Variants in CPEB3 observed in about 807,000 individuals in gnomAD.
CPEB3 encodes cytoplasmic polyadenylation element-binding protein 3.
Under a neutral mutation model 67.2 loss-of-function variants are expected in CPEB3, and 20 were observed. The ratio of observed to expected loss-of-function variants is 0.30; its 90% CI spans 0.21 to 0.43. The LOEUF (loss-of-function observed/expected upper bound fraction) is 0.43. Among genes scored for constraint, CPEB3 ranks in the 20% least tolerant of loss-of-function variants. The pLI is 1.00. For synonymous variants in CPEB3, 376 were observed against 393.1 expected (o/e 0.96, Z 0.51); for missense variants, 746 against 968.6 (o/e 0.77, Z 3.05).
chr10:92,137,544 C>A, intron 6 of CPEB3: 1 of 776,262 alleles, frequency 1.3e-6, no homozygotes, highest in Non-Finnish European at 2.3e-6. Context: ...TAAGGGACCC[C>A]ATTTGGATTC....
chr10:92,263,145 G>A (rs961454418), intron 1 of CPEB3, among the ~76,000 whole-genome samples: 7 of 152,100 alleles, frequency 4.6e-5, no homozygotes, highest in African/African-American at 7.2e-5. Context: ...GCTGGATCTC[G>A]GCTCACTGCA....
At position 92,223,842 on chromosome 10, in the gene CPEB3, G is replaced by A. The variant is rs934956560; in HGVS notation, c.1005+15504C>T. Among the ~76,000 whole-genome samples the A allele has an allele frequency of 3.3e-5, 5 of 150,988 alleles. No individual in the cohort carries two copies. In the South Asian group the frequency reaches 8.3e-4, roughly 25 times the overall value. On this transcript the variant is annotated intron_variant, in intron 2 of 9. Coordinates refer to ENST00000265997, the MANE Select transcript of CPEB3 (RefSeq NM_014912.5). ...CGGCTCACTGCAACCTCCAACTCCC[G>A]GATTCAAGCAATTCTCCTGCCTCAG...
intron 1 of CPEB3, among the ~76,000 whole-genome samples, chr10:92,273,422 T>C (rs1289002379): frequency 6.6e-6 from 1 of 152,154 alleles, no homozygotes; most frequent in African/African-American, 2.4e-5. Context: ...GTCGATTGTC[T>C]TCAGACTTAA....
intron 1 of CPEB3, among the ~76,000 whole-genome samples, chr10:92,248,707 C>T (rs371081077): frequency 6.6e-6 from 1 of 152,132 alleles, no homozygotes; most frequent in South Asian, 2.1e-4. Context: ...TTATGATGTT[C>T]AGTAGTATGC....
At chr10:92,124,678 A>G (rs973152258) in intron 6 of CPEB3, among the ~76,000 whole-genome samples, 8 of 152,224 alleles carry the variant, frequency 5.3e-5, no homozygotes, top group African/African-American at 1.9e-4. Context: ...AATACAGGCT[A>G]AAACCCTTGG....
chr10:92,168,290 T>C (rs1339154155), intron 4 of CPEB3, among the ~76,000 whole-genome samples: 1 of 152,242 alleles, frequency 6.6e-6, no homozygotes, highest in African/African-American at 2.4e-5. Flanking sequence ...AACCTACAGG[T>C]ATCTTAAGCA....
rs1406525373 is a variant in CPEB3 at position 92,186,457 on chromosome 10, T to C, written c.1166-5438A>G. Reference sequence around the variant, plus strand: ...GGTGATTTTTTTTTTTTTTTTTAGATGGAGTCTCGCTCTGTCACCCAGGCT... The same window carrying C: ...GGTGATTTTTTTTTTTTTTTTTAGACGGAGTCTCGCTCTGTCACCCAGGCT... On this transcript the variant is annotated intron_variant, in intron 3 of 9. Transcript: ENST00000265997. 5.4e-5 allele frequency among the ~76,000 whole-genome samples: 8 copies of C among 147,574 alleles called. No individual in the cohort carries two copies. The East Asian group carries it at 6.0e-4, about 11-fold the overall frequency.
At chr10:92,156,311 G>T (rs909478218) in intron 4 of CPEB3, among the ~76,000 whole-genome samples, 1 of 152,190 alleles carries the variant, frequency 6.6e-6, no homozygotes, top group African/African-American at 2.4e-5. Flanking sequence ...TTGGTCAGGG[G>T]AAGATGAAGT....
At chr10:92,200,224 G>T (rs1235780523) in intron 2 of CPEB3, among the ~76,000 whole-genome samples, 1 of 152,034 alleles carries the variant, frequency 6.6e-6, no homozygotes, top group Admixed American at 6.5e-5. Flanking sequence ...AAATTCTCAA[G>T]AACCCTCAAA....
chr10:92,063,307 A>G (rs1213811622), intron 9 of CPEB3, among the ~76,000 whole-genome samples: 11 of 152,250 alleles, frequency 7.2e-5, no homozygotes. Flanking sequence ...AACTATTCGC[A>G]GGTGCAGAAT....
chr10:92,285,607 A>G (rs1289624934), intron 1 of CPEB3, among the ~76,000 whole-genome samples: 1 of 152,192 alleles, frequency 6.6e-6, no homozygotes, highest in Admixed American at 6.5e-5. Flanking sequence ...ATTGGGGGAC[A>G]CATTCAAACC....
rs1843708042 is a variant in CPEB3 at position 92,093,450 on chromosome 10, C to G, written c.1573-1506G>C. Among the ~76,000 whole-genome samples the G allele has an allele frequency of 2.0e-5, 3 of 152,000 alleles. No homozygotes were observed. In the South Asian group the frequency reaches 6.3e-4, roughly 32 times the overall value. ...GTAGCACCTGTGGCAATTATACTTT[C>G]AAAACATTTTGAATTAACTTTAAAA... On this transcript the variant is annotated intron_variant, in intron 7 of 9. Transcript: ENST00000265997.
chr10:92,203,337 G>T (rs1233874024), intron 2 of CPEB3, among the ~76,000 whole-genome samples: 1 of 141,200 alleles, frequency 7.1e-6, no homozygotes, highest in Non-Finnish European at 1.5e-5. Context: ...CATAAGAGAT[G>T]ATATATATAT....
In CPEB3 at chr10:92,168,791, C is replaced by CTT. The variant is rs748498383; in HGVS notation, c.1222+12170_1222+12171dup. On this transcript the variant is annotated intron_variant, in intron 4 of 9. Transcript: ENST00000265997. Reference sequence around the variant, plus strand: ...CTGTGAGTCAATTAAACCTCTTGCCCTTTTTTTTTTTTTTTTTTTTTGAGA... The same window carrying CTT: ...CTGTGAGTCAATTAAACCTCTTGCCCTTTTTTTTTTTTTTTTTTTTTTTGAGA... 2.6e-3 allele frequency among the ~76,000 whole-genome samples: 310 copies of CTT among 118,354 alleles called. 2 individuals are homozygous for CTT. Among genetic ancestry groups the CTT allele is most frequent in the Middle Eastern group, 5.0e-3 (1 of 202 alleles). 77.6% of individuals were successfully genotyped at this position (118,354 alleles called of 152,430 possible). A position where few individuals can be genotyped will look rare whatever the true frequency, so the allele number is the denominator to read the frequency against.
intron 9 of CPEB3, among the ~76,000 whole-genome samples, chr10:92,056,278 A>C (rs770120212): frequency 6.6e-6 from 1 of 152,222 alleles, no homozygotes; most frequent in Non-Finnish European, 1.5e-5. Context: ...TCAAACAGCA[A>C]CAGTCAAACA....
chr10:92,185,599 C>G (rs536495194), intron 3 of CPEB3, among the ~76,000 whole-genome samples: 1 of 152,276 alleles, frequency 6.6e-6, no homozygotes, highest in South Asian at 2.1e-4. Context: ...AAAGTCATCT[C>G]TTTACTTCTA....
chr10:92,059,027 A>C (rs1017241190), intron 9 of CPEB3, among the ~76,000 whole-genome samples: 8 of 152,208 alleles, frequency 5.3e-5, no homozygotes, highest in African/African-American at 1.9e-4. Flanking sequence ...GGAATTTTGG[A>C]AACTATACAA....
At chr10:92,222,232 T>C (rs1197715812) in intron 2 of CPEB3, among the ~76,000 whole-genome samples, 1 of 151,708 alleles carries the variant, frequency 6.6e-6, no homozygotes, top group Non-Finnish European at 1.5e-5. Context: ...AGATGGGATC[T>C]TCTTATGTTG....
chr10:92,209,354 A>G (rs1026442188), intron 2 of CPEB3, among the ~76,000 whole-genome samples: 2 of 152,088 alleles, frequency 1.3e-5, no homozygotes, highest in Non-Finnish European at 2.9e-5. Flanking sequence ...GTGAAACTCC[A>G]TTTCTACCAA....
Sources: allele counts gnomAD v4.1 joint callset (sites outside exome capture counted in the v4.1 genomes callset), GRCh38; gene constraint gnomAD v4.1.1; transcripts MANE v1.5; gene names NCBI Gene and HGNC (gene_info 2026-07-23, HGNC 2026-07-21).